The following DISC1 variants were observed in gnomAD, a reference collection of about 807,000 sequenced individuals.
The protein encoded by DISC1 is disrupted in schizophrenia 1 protein.
DISC1 carries 57 observed loss-of-function variants against 84.5 expected under a neutral mutation model. That is an observed-to-expected ratio of 0.67 (90% CI 0.55 to 0.84). The LOEUF (loss-of-function observed/expected upper bound fraction) is 0.84, where lower values mean the gene tolerates loss of function less well. Among genes scored for constraint, DISC1 ranks in the 40% least tolerant of loss-of-function variants. DISC1 has a pLI of 0.00. For synonymous variants in DISC1, 411 were observed against 415.2 expected, an observed-to-expected ratio of 0.99 and a Z score of 0.12; for missense variants, 1,000 against 1,057.8, an observed-to-expected ratio of 0.95 and a Z score of 0.76.
At chr1:232,029,008 A>G (rs1364128565) in intron 12 of DISC1, among the ~76,000 whole-genome samples, 1 of 152,212 alleles carries the variant, frequency 6.6e-6, no homozygotes, top group Non-Finnish European at 1.5e-5. Flanking sequence ...CACAAGCCCC[A>G]TGGTCCTATT....
chr1:231,939,733 G>A lies in DISC1; in HGVS notation c.1982-19095G>A, dbSNP rs554452604. ...GGCATTCCTTCCTACTACCTGCCCT[G>A]TTCTCTGCTTATTCTATTTTTTTTT... On this transcript the variant is annotated intron_variant, in intron 9 of 12. Transcript: ENST00000439617. Among the ~76,000 whole-genome samples the A allele has an allele frequency of 1.2e-3, 187 of 150,720 alleles. 1 individual carries two copies. The highest frequency in any genetic ancestry group is 4.5e-3 in the African/African-American group (184 of 41,306).
intron 9 of DISC1, among the ~76,000 whole-genome samples, chr1:231,922,837 GTGT>G (rs533482942): frequency 4.1e-4 from 62 of 152,272 alleles, no homozygotes; most frequent in Admixed American, 3.5e-3. Flanking sequence ...AGCACCTTCT[GTGT>G]TTTCACCTCA....
At position 231,663,043 on chromosome 1, in the gene DISC1, T is replaced by C. The variant is rs555840676; in HGVS notation, c.68-30783T>C. 4.6e-5 allele frequency among the ~76,000 whole-genome samples: 7 copies of C among 151,382 alleles called. 1 individual carries two copies. Among genetic ancestry groups the C allele is most frequent in the Admixed American group, 1.3e-4 (2 of 15,196 alleles). ...AAAAACGTCCAGTCAAAAGCATAGATTGGCAGAATGAATTAAAGAAAAACA... is the reference window on the plus strand; with the variant it reads ...AAAAACGTCCAGTCAAAAGCATAGACTGGCAGAATGAATTAAAGAAAAACA... On this transcript the variant is annotated intron_variant, in intron 1 of 12. Transcript: ENST00000439617.
chr1:231,651,041 C>G (rs1320160884), intron 1 of DISC1, among the ~76,000 whole-genome samples: 1 of 152,072 alleles, frequency 6.6e-6, no homozygotes. Flanking sequence ...TTTGTTATTA[C>G]TGACCTTCTG....
intron 3 of DISC1, among the ~76,000 whole-genome samples, chr1:231,713,401 A>G (rs1034595516): frequency 6.6e-6 from 1 of 152,180 alleles, no homozygotes; most frequent in Admixed American, 6.5e-5. Context: ...AAACATGGAC[A>G]AAGAACTAAT....
chr1:231,774,595 T>C (rs1339521656), intron 6 of DISC1: 2 of 431,606 alleles, frequency 4.6e-6, no homozygotes, highest in Admixed American at 4.9e-5. Context: ...GTGGGCTGTG[T>C]AGGTGCACAC....
At chr1:231,651,310 T>C (rs193082848) in intron 1 of DISC1, among the ~76,000 whole-genome samples, 12 of 152,344 alleles carry the variant, frequency 7.9e-5, no homozygotes, top group African/African-American at 2.6e-4. Flanking sequence ...GTTTTCCTTC[T>C]AACAATCAGG....
chr1:231,668,271 A>G (rs1325633123), intron 1 of DISC1, among the ~76,000 whole-genome samples: 1 of 152,190 alleles, frequency 6.6e-6, no homozygotes, highest in Non-Finnish European at 1.5e-5. Context: ...AATTTTAAGT[A>G]TACAATGCAG....
At chr1:231,896,557 C>T (rs183778473) in intron 9 of DISC1, among the ~76,000 whole-genome samples, 1 of 152,260 alleles carries the variant, frequency 6.6e-6, no homozygotes, top group African/African-American at 2.4e-5. Context: ...TGATGCTCTT[C>T]TAGAAAGTGG....
In DISC1 at chr1:231,684,485, AT is replaced by A. The variant is rs142503634; in HGVS notation, c.68-9335del. ...CTTGAATTACTATATAATTGCATGC[AT>A]TTTTTCCTATGTATTGTTTGAGAAT... On this transcript the variant is annotated intron_variant, in intron 1 of 12. Coordinates refer to ENST00000439617, the MANE Select transcript of DISC1 (RefSeq NM_018662.3). Among the ~76,000 whole-genome samples the A allele has an allele frequency of 4.3e-3, 651 of 152,026 alleles. 10 individuals are homozygous for A. Among genetic ancestry groups the A allele is most frequent in the African/African-American group, 0.015 (622 of 41,428 alleles).
intron 9 of DISC1, among the ~76,000 whole-genome samples, chr1:231,835,122 T>A (rs2082532767): frequency 6.6e-6 from 1 of 152,148 alleles, no homozygotes; most frequent in Non-Finnish European, 1.5e-5. Flanking sequence ...TGGTGAGATG[T>A]TCCTTTCTGA....
chr1:231,910,330 C>T (rs541445414), intron 9 of DISC1, among the ~76,000 whole-genome samples: 2 of 152,220 alleles, frequency 1.3e-5, no homozygotes, highest in African/African-American at 4.8e-5. Context: ...AAATTTCCCT[C>T]TACACACTGC....
intron 9 of DISC1, among the ~76,000 whole-genome samples, chr1:231,875,972 C>T (rs544043469): frequency 6.6e-6 from 1 of 152,304 alleles, no homozygotes; most frequent in African/African-American, 2.4e-5. Context: ...TAGGAATGCT[C>T]TTGAACTAGT....
At chr1:232,015,123 A>G (rs1572640347) in intron 11 of DISC1, among the ~76,000 whole-genome samples, 1 of 152,266 alleles carries the variant, frequency 6.6e-6, no homozygotes, top group Non-Finnish European at 1.5e-5. Context: ...TCTTCTGTTC[A>G]GTGAGCTGGC....
intron 9 of DISC1, among the ~76,000 whole-genome samples, chr1:231,848,692 A>G (rs1245387321): frequency 6.6e-6 from 1 of 152,200 alleles, no homozygotes; most frequent in African/African-American, 2.4e-5. Context: ...AAAATAACAC[A>G]TGCAACTTTC....
chr1:231,990,680 G>T (rs939831733), intron 10 of DISC1, among the ~76,000 whole-genome samples: 13 of 152,146 alleles, frequency 8.5e-5, no homozygotes, highest in African/African-American at 2.9e-4. Context: ...CCAGAAGTAG[G>T]CATGGCTTAC....
At chr1:231,770,698 A>T (rs2076491210) in intron 5 of DISC1, 137 bp from the exon 6 acceptor site, 2 of 1,452,264 alleles carry the variant, frequency 1.4e-6, no homozygotes, top group African/African-American at 2.8e-5. Context: ...AACCTCCAAA[A>T]ATCTGCCTGC....
intron 9 of DISC1, among the ~76,000 whole-genome samples, chr1:231,867,399 C>T (rs1236172510): frequency 6.6e-6 from 1 of 152,046 alleles, no homozygotes; most frequent in Non-Finnish European, 1.5e-5. Flanking sequence ...GAAGGTTTCC[C>T]GTAGCTAGAC....
rs1049931654 is a variant in DISC1, at chr1:232,009,097, G to A, written c.2307+48G>A. 2 of 1,612,372 alleles carry A rather than the reference G, an allele frequency of 1.2e-6. No homozygotes were observed. ...CCAGAGGGGACCCTTATTCTAAGGG[G>A]TGCTTTGGGACCATGCTCCAAATGG... is the stretch of plus-strand genomic sequence containing the variant. On this transcript the variant is annotated intron_variant, in intron 11 of 12. Transcript: ENST00000439617. The surrounding 1 kb of genome is among the most constrained non-coding windows in gnomAD (Gnocchi z 4.6).
Sources: gnomAD v4.1 joint callset for allele counts (sites outside exome capture counted in the v4.1 genomes callset) on GRCh38, gnomAD v4.1.1 for gene constraint, Gnocchi (gnomAD v3.1) non-coding constraint, MANE v1.5 for transcripts, NCBI Gene and HGNC (gene_info 2026-07-23, HGNC 2026-07-21) for gene names.